Variants in FOXP1 observed in about 807,000 individuals in gnomAD.
FOXP1 encodes forkhead box protein P1.
In FOXP1, 15 loss-of-function variants were observed where a neutral mutation model predicts 98.2. That is an observed-to-expected ratio of 0.15 (90% CI 0.10 to 0.24). FOXP1 has a LOEUF of 0.24. FOXP1 is among the 10% of genes least tolerant of loss of function. FOXP1 has a pLI of 1.00. For missense variants in FOXP1, 633 were observed against 848.5 expected, an observed-to-expected ratio of 0.75 and a Z score of 3.15; for synonymous variants, 371 against 314.5, an observed-to-expected ratio of 1.18 and a Z score of -1.90.
At chr3:71,325,610 C>T (rs533674976) in intron 4 of FOXP1, among the ~76,000 whole-genome samples, 1 of 152,010 alleles carries the variant, frequency 6.6e-6, no homozygotes, top group East Asian at 1.9e-4. Context: ...CTTGAAGCAG[C>T]CTTCATATTA....
chr3:70,993,702 T>G (rs1384073799), intron 13 of FOXP1, among the ~76,000 whole-genome samples: 2 of 152,194 alleles, frequency 1.3e-5, no homozygotes, highest in Non-Finnish European at 2.9e-5. Flanking sequence ...ATATTTTTCT[T>G]TTAAAAAGTG....
intron 2 of FOXP1, among the ~76,000 whole-genome samples, chr3:71,497,445 AT>A (rs1247002353): frequency 6.6e-6 from 1 of 152,180 alleles, no homozygotes. Context: ...AGTCTCAAAC[AT>A]TTTTTTAAAA....
At chr3:70,975,242 A>C (rs1412202715) in intron 17 of FOXP1, among the ~76,000 whole-genome samples, 3 of 152,250 alleles carry the variant, frequency 2.0e-5, no homozygotes, top group Admixed American at 6.5e-5. Flanking sequence ...AATCTGAAGA[A>C]AATGTCTGCC....
intron 3 of FOXP1, among the ~76,000 whole-genome samples, chr3:71,408,582 A>G (rs1338244987): frequency 6.6e-6 from 1 of 152,254 alleles, no homozygotes; most frequent in Non-Finnish European, 1.5e-5. Flanking sequence ...AATTTTAGGA[A>G]CAGAGCATCT....
At position 71,515,445 on chromosome 3, in the gene FOXP1, A is replaced by AC. The variant is rs2042502093; in HGVS notation, c.-297-21891_-297-21890insG. Among the ~76,000 whole-genome samples the AC allele has an allele frequency of 4.9e-5, 7 of 143,806 alleles. No individual in the cohort carries two copies. The South Asian group carries it at 6.5e-4, about 13-fold the overall frequency. 94.3% of individuals were successfully genotyped at this position (143,806 alleles called of 152,430 possible). A position where few individuals can be genotyped will look rare whatever the true frequency, so the allele number is the denominator to read the frequency against. ...AAAATTTACACAGCAAAAAAAAAAA[A>AC]AAAAAAAACTGCACATTTATACAGC... On this transcript the variant is annotated intron_variant, in intron 2 of 20. Coordinates refer to ENST00000649528, the MANE Select transcript of FOXP1 (RefSeq NM_001349338.3).
intron 5 of FOXP1, among the ~76,000 whole-genome samples, chr3:71,232,772 A>ACACTG (rs1245712313): frequency 1.3e-5 from 2 of 148,760 alleles, no homozygotes. Context: ...GCAGTGATGC[A>ACACTG]CACTTGTAGT....
chr3:71,336,931 G>A (rs2076721484), intron 4 of FOXP1, among the ~76,000 whole-genome samples: 1 of 152,118 alleles, frequency 6.6e-6, no homozygotes, highest in Non-Finnish European at 1.5e-5. Flanking sequence ...CAGGCTCTGG[G>A]GAACCCTACA....
intron 4 of FOXP1, among the ~76,000 whole-genome samples, chr3:71,325,053 A>AT (rs71120312): frequency 0.56 from 76,435 of 135,990 alleles, 24,320 homozygotes; most frequent in East Asian, 0.88. Context: ...TAATCCCTTG[A>AT]TTTTTTTTTT....
intron 3 of FOXP1, among the ~76,000 whole-genome samples, chr3:71,436,666 C>G (rs2085389577): frequency 2.0e-5 from 3 of 152,038 alleles, no homozygotes; most frequent in Admixed American, 2.0e-4. Flanking sequence ...ATTCACTAAG[C>G]CAACAGCACT....
At chr3:71,323,718 G>A (rs1448000628) in intron 4 of FOXP1, among the ~76,000 whole-genome samples, 7 of 152,268 alleles carry the variant, frequency 4.6e-5, no homozygotes, top group Admixed American at 3.3e-4. Flanking sequence ...TAGTTTTCAC[G>A]AGTACTTATG....
intron 2 of FOXP1, among the ~76,000 whole-genome samples, chr3:71,539,338 G>A (rs1486454162): frequency 6.8e-6 from 1 of 147,534 alleles, no homozygotes; most frequent in African/African-American, 2.5e-5. Context: ...AGCCAGGATG[G>A]TCTCGATCTC....
intron 5 of FOXP1, among the ~76,000 whole-genome samples, chr3:71,273,395 A>C (rs2070579264): frequency 6.6e-6 from 1 of 152,208 alleles, no homozygotes. Flanking sequence ...ATACATGCTC[A>C]GGCCCTCACC....
At chr3:71,421,340 C>T (rs2083630503) in intron 3 of FOXP1, among the ~76,000 whole-genome samples, 1 of 152,150 alleles carries the variant, frequency 6.6e-6, no homozygotes, top group African/African-American at 2.4e-5. Flanking sequence ...CATCCTCTAC[C>T]CTCAGGTAAA....
At chr3:71,163,846 C>A (rs1262688063) in intron 6 of FOXP1, among the ~76,000 whole-genome samples, 1 of 148,812 alleles carries the variant, frequency 6.7e-6, no homozygotes, top group Non-Finnish European at 1.5e-5. Context: ...TCATAGAAGC[C>A]ATGCACTTGC....
chr3:71,354,773 A>G (rs1486881803), intron 4 of FOXP1, among the ~76,000 whole-genome samples: 4 of 152,216 alleles, frequency 2.6e-5, no homozygotes, highest in Non-Finnish European at 5.9e-5. Context: ...ATTCTGTTCC[A>G]GACGTTGTGC....
chr3:71,183,523 C>T (rs1253665775), intron 6 of FOXP1, among the ~76,000 whole-genome samples: 2 of 152,000 alleles, frequency 1.3e-5, no homozygotes, highest in African/African-American at 4.8e-5. Context: ...ACAAAAAAAA[C>T]CCAAAAGCTA....
chr3:71,390,481 G>A (rs2080949622), intron 3 of FOXP1, among the ~76,000 whole-genome samples: 1 of 149,168 alleles, frequency 6.7e-6, no homozygotes, highest in Non-Finnish European at 1.5e-5. Flanking sequence ...CTCTGCCAAA[G>A]CAAATATCCT....
intron 7 of FOXP1, among the ~76,000 whole-genome samples, chr3:71,090,175 C>T (rs774974301): frequency 1.3e-5 from 2 of 152,196 alleles, no homozygotes; most frequent in Non-Finnish European, 2.9e-5. Flanking sequence ...TCCTTACTTT[C>T]TTCAACCTTG....
intron 6 of FOXP1, chr3:71,130,783 TCA>T (rs1371645622): frequency 7.0e-7 from 1 of 1,438,688 alleles, no homozygotes; most frequent in Non-Finnish European, 9.1e-7. Flanking sequence ...AAGTAATTCT[TCA>T]CTTTCAAAGT....
Sources: gnomAD v4.1 joint callset for allele counts (sites outside exome capture counted in the v4.1 genomes callset) on GRCh38, gnomAD v4.1.1 for gene constraint, MANE v1.5 for transcripts, NCBI Gene and HGNC (gene_info 2026-07-23, HGNC 2026-07-21) for gene names.